Variants in TOP6BL observed in about 807,000 individuals in gnomAD.
The protein encoded by TOP6BL is TOP6B like initiator of meiotic double strand breaks, also known as type 2 DNA topoisomerase 6 subunit B-like.
the TOP6BL span, chr11:66,843,111 G>A: frequency 3.1e-6 from 5 of 1,599,838 alleles, no homozygotes; most frequent in East Asian, 4.5e-5. Context: ...TCAGCAGGAG[G>A]TGCAGGCCAC....
chr11:66,812,088 A>C, the TOP6BL span, among the ~76,000 whole-genome samples: 1 of 152,226 alleles, frequency 6.6e-6, no homozygotes, highest in East Asian at 1.9e-4. Flanking sequence ...CACTATAGCT[A>C]TCTTCATATT....
chr11:66,821,021 T>C, the TOP6BL span, among the ~76,000 whole-genome samples: 1 of 152,198 alleles, frequency 6.6e-6, no homozygotes, highest in African/African-American at 2.4e-5. Flanking sequence ...AACAGCAATC[T>C]TGAAGTAGTT....
the TOP6BL span, among the ~76,000 whole-genome samples, chr11:66,772,553 G>C: frequency 3.3e-5 from 5 of 152,218 alleles, no homozygotes; most frequent in Admixed American, 6.5e-5. Flanking sequence ...CAGATCATCT[G>C]AAGTCAGGAA....
chr11:66,747,331 A>G, the TOP6BL span, among the ~76,000 whole-genome samples: 1 of 152,120 alleles, frequency 6.6e-6, no homozygotes. Context: ...AATAGCTAAT[A>G]TCTGTTAAGC....
At chr11:66,772,220 G>C in the TOP6BL span, among the ~76,000 whole-genome samples, 7 of 152,162 alleles carry the variant, frequency 4.6e-5, no homozygotes, top group Non-Finnish European at 1.0e-4. Flanking sequence ...ACTGTTTCTT[G>C]CTAGTATTTG....
At chr11:66,837,437 A>G in the TOP6BL span, among the ~76,000 whole-genome samples, 4 of 147,080 alleles carry the variant, frequency 2.7e-5, no homozygotes, top group African/African-American at 1.0e-4. Flanking sequence ...GAGAAGCACA[A>G]ATTTTTAATT....
At chr11:66,769,354 C>T in the TOP6BL span, among the ~76,000 whole-genome samples, 1,658 of 150,096 alleles carry the variant, frequency 0.011, 38 homozygotes, top group African/African-American at 0.038. Context: ...GCACAAGCAA[C>T]GAAAGGAAAA....
chr11:66,819,606 A>G, the TOP6BL span, among the ~76,000 whole-genome samples: 1 of 151,706 alleles, frequency 6.6e-6, no homozygotes, highest in South Asian at 2.1e-4. Flanking sequence ...CCTCGTCTCT[A>G]CATATACAAA....
chr11:66,759,802 C>T, the TOP6BL span, among the ~76,000 whole-genome samples: 1 of 152,184 alleles, frequency 6.6e-6, no homozygotes, highest in Admixed American at 6.5e-5. Context: ...ATGCTGGTCT[C>T]GAACTTCTGA....
the TOP6BL span, among the ~76,000 whole-genome samples, chr11:66,840,528 C>T: frequency 1.3e-5 from 2 of 152,160 alleles, no homozygotes; most frequent in Admixed American, 1.3e-4. Context: ...AAGAAAATCT[C>T]CCGTGACCTT....
At chr11:66,789,369 C>T in the TOP6BL span, among the ~76,000 whole-genome samples, 5 of 152,262 alleles carry the variant, frequency 3.3e-5, no homozygotes, top group African/African-American at 1.2e-4. Context: ...ATTTTCCTTC[C>T]TTAGAGTTGG....
the TOP6BL span, among the ~76,000 whole-genome samples, chr11:66,810,241 A>G: frequency 6.6e-6 from 1 of 152,216 alleles, no homozygotes; most frequent in Non-Finnish European, 1.5e-5. Context: ...GACCTGTATT[A>G]TAAGAAATGT....
the TOP6BL span, among the ~76,000 whole-genome samples, chr11:66,795,181 C>T: frequency 6.6e-6 from 1 of 151,882 alleles, no homozygotes; most frequent in South Asian, 2.1e-4. Context: ...GTAATACCTA[C>T]CTTACAGGAT....
chr11:66,842,808 G>C, the TOP6BL span: 8 of 1,516,260 alleles, frequency 5.3e-6, no homozygotes, highest in African/African-American at 1.1e-4. Context: ...TCCTAGCACA[G>C]GGCCATGAAA....
the TOP6BL span, among the ~76,000 whole-genome samples, chr11:66,836,251 CTG>C: frequency 6.6e-6 from 1 of 152,092 alleles, no homozygotes; most frequent in South Asian, 2.1e-4. Context: ...GAGTCTCACT[CTG>C]TTGCCCAGGC....
the TOP6BL span, chr11:66,756,321 A>T: frequency 8.4e-7 from 1 of 1,190,984 alleles, no homozygotes; most frequent in Non-Finnish European, 1.1e-6. Context: ...ACATACAGTT[A>T]ACCCCCTTTT....
At chr11:66,780,051 C>T in the TOP6BL span, among the ~76,000 whole-genome samples, 1 of 151,416 alleles carries the variant, frequency 6.6e-6, no homozygotes, top group Non-Finnish European at 1.5e-5. Context: ...GGAGATATAC[C>T]TAATGTTAAA....
At chr11:66,812,695 C>T in the TOP6BL span, among the ~76,000 whole-genome samples, 2 of 152,318 alleles carry the variant, frequency 1.3e-5, no homozygotes, top group African/African-American at 2.4e-5. Flanking sequence ...AAGGAAAGCA[C>T]ACATTCTGGT....
At chr11:66,789,133 C>A in the TOP6BL span, among the ~76,000 whole-genome samples, 1 of 152,154 alleles carries the variant, frequency 6.6e-6, no homozygotes, top group South Asian at 2.1e-4. Context: ...TTTTAGATCC[C>A]AGGTGATTCC....
Sources: gnomAD v4.1 joint callset for allele counts (sites outside exome capture counted in the v4.1 genomes callset) on GRCh38, gnomAD v4.1.1 for gene constraint, MANE v1.5 for transcripts, NCBI Gene and HGNC (gene_info 2026-07-23, HGNC 2026-07-21) for gene names.